HK1: variants seen among roughly 807,000 people sequenced by gnomAD.
The protein encoded by HK1 is hexokinase-1.
In HK1, 28 loss-of-function variants were observed where a neutral mutation model predicts 91.6. The observed-to-expected ratio is 0.31, with a 90% CI of 0.23 to 0.42. The LOEUF is 0.42. Among genes scored for constraint, HK1 ranks in the 10% least tolerant of loss-of-function variants. The pLI is 1.00. For missense variants in HK1, 770 were observed against 1,219.8 expected, an observed-to-expected ratio of 0.63 and a Z score of 5.49; for synonymous variants, 430 against 468.1, an observed-to-expected ratio of 0.92 and a Z score of 1.05.
At chr10:69,318,759 C>T (rs942422527), upstream of HK1, 1 of 1,167,590 alleles carries the variant, frequency 8.6e-7, no homozygotes, top group South Asian at 1.9e-5. Context: ...GCGGCTGTCA[C>T]CCTCCAGGGG....
intron 1 of HK1, among the ~76,000 whole-genome samples, chr10:69,341,670 A>C (rs915486676): frequency 1.3e-5 from 2 of 151,672 alleles, no homozygotes; most frequent in African/African-American, 4.8e-5. Context: ...TGCCCAGGCT[A>C]ATCTCGAACT....
intron 14 of HK1, among the ~76,000 whole-genome samples, chr10:69,389,908 T>C (rs1191278759): frequency 6.6e-6 from 1 of 152,216 alleles, no homozygotes; most frequent in East Asian, 1.9e-4. Flanking sequence ...ACATAATTCC[T>C]GAAGCATATT....
intron 1 of HK1, among the ~76,000 whole-genome samples, chr10:69,336,165 A>G (rs919098620): frequency 2.0e-5 from 3 of 152,342 alleles, no homozygotes; most frequent in Admixed American, 2.0e-4. Flanking sequence ...ATATTTTACA[A>G]TAAGTATATA....
At chr10:69,346,308 G>C (rs1328555144) in intron 2 of HK1, among the ~76,000 whole-genome samples, 2 of 152,350 alleles carry the variant, frequency 1.3e-5, no homozygotes, top group Non-Finnish European at 1.5e-5. Context: ...CCATGGTGGA[G>C]CAATGCCTAA....
At chr10:69,387,060 A>G (rs1839670767) in intron 13 of HK1, among the ~76,000 whole-genome samples, 1 of 152,124 alleles carries the variant, frequency 6.6e-6, no homozygotes, top group African/African-American at 2.4e-5. Flanking sequence ...AACACAAACA[A>G]TTTCACAGAG....
intron 1 of HK1, among the ~76,000 whole-genome samples, chr10:69,271,518 C>T (rs572600304): frequency 1.4e-4 from 21 of 149,704 alleles, no homozygotes; most frequent in African/African-American, 5.2e-4. Context: ...GCTCTGTTGC[C>T]CAGGCTGAAG....
Position 69,394,974 on chromosome 10 carries a change from G to A in HK1, c.2244G>A (p.Met748Ile). ...GGTATGAGAAGATGATCAGTGGTAT[G>A]TACCTGGGTGAAATCGTCCGCAACA... ...KQRYEKMISG[M>I]YLGEIVRNIL... Residue 748 changes from methionine to isoleucine, a missense_variant, in exon 16 of 18, where the codon ATG becomes ATA. Around this residue, in one of 7 missense-constraint regions of HK1, gnomAD observed 152 missense variants for 211.1 expected, o/e 0.72. Transcript: ENST00000359426. 1 of 1,614,182 alleles carries A rather than the reference G, an allele frequency of 6.2e-7. No individual in the cohort carries two copies.
At position 69,369,651 on chromosome 10, in the gene HK1, C is replaced by T; in HGVS notation, c.875+27C>T. ...TGAGTCCTTGACTTTTGCTTCTAAC[C>T]ACATATGTGAGTTAGGGGACATTTG... On this transcript the variant is annotated intron_variant, in intron 7 of 17. Coordinates refer to ENST00000359426, the MANE Select transcript of HK1 (RefSeq NM_000188.3). This position sits in a 1 kb window ranked among gnomAD's most constrained non-coding sequence, Gnocchi z 4.4. 2.5e-6 allele frequency: 4 copies of T among 1,600,392 alleles called. No homozygotes were observed. The highest frequency in any genetic ancestry group is 3.4e-6 in the Non-Finnish European group (4 of 1,170,006).
At position 69,398,908 on chromosome 10, in the gene HK1, C is replaced by T. The variant is rs907119801; in HGVS notation, c.2609+80C>T. 5.3e-6 allele frequency: 6 copies of T among 1,125,042 alleles called. No homozygotes were observed. The African/African-American group carries it at 9.2e-5, about 17-fold the overall frequency. The allele number at this position is 1,125,042 out of a possible 1,614,324, so 69.7% of individuals were successfully genotyped here. On this transcript the variant is annotated intron_variant, in intron 17 of 17. Transcript: ENST00000359426. ...AGGGGGTATCAGGGTGTGGTTTACG[C>T]TGGGGAAATGCCCTGCGGGAGCCCA...
intron 1 of HK1, among the ~76,000 whole-genome samples, chr10:69,326,839 T>G (rs1173007252): frequency 1.3e-5 from 2 of 152,172 alleles, no homozygotes; most frequent in Admixed American, 1.3e-4. Context: ...AATTTGGTGT[T>G]TATCTTTTCA....
chr10:69,291,502 T>C (rs773796461), intron 3 of HK1, among the ~76,000 whole-genome samples: 2 of 152,174 alleles, frequency 1.3e-5, no homozygotes, highest in Non-Finnish European at 2.9e-5. Flanking sequence ...GAAGAAGGTG[T>C]CATTCCCACT....
At chr10:69,377,115 C>G in intron 8 of HK1, 26 bp downstream of exon 8, 3 of 1,613,886 alleles carry the variant, frequency 1.9e-6, no homozygotes, top group Non-Finnish European at 2.5e-6. Flanking sequence ...TCAAGGCTTT[C>G]TTGGGGTGTT....
chr10:69,383,836 C>T (rs1839508271), intron 10 of HK1, among the ~76,000 whole-genome samples: 2 of 152,234 alleles, frequency 1.3e-5, no homozygotes, highest in Admixed American at 6.5e-5. Context: ...CCTGGAAGCC[C>T]AGGCTGGGGA....
At chr10:69,320,979 CGA>C (rs1846988378) in intron 1 of HK1, among the ~76,000 whole-genome samples, 1 of 152,126 alleles carries the variant, frequency 6.6e-6, no homozygotes, top group African/African-American at 2.4e-5. Context: ...CTCCTCACTC[CGA>C]GTTTGGGATT....
intron 5 of HK1, among the ~76,000 whole-genome samples, chr10:69,309,780 C>T (rs1846277597): frequency 6.6e-6 from 1 of 150,726 alleles, no homozygotes; most frequent in Admixed American, 6.6e-5. Context: ...GGCGAGGTGG[C>T]TCACTCCTGT....
At chr10:69,386,981 G>T (rs1038827831) in intron 13 of HK1, among the ~76,000 whole-genome samples, 1 of 151,958 alleles carries the variant, frequency 6.6e-6, no homozygotes, top group African/African-American at 2.4e-5. Flanking sequence ...AATTGAAAAA[G>T]AGAGAAGCAG....
chr10:69,307,056 G>A (rs1464354504), intron 5 of HK1, among the ~76,000 whole-genome samples: 1 of 152,320 alleles, frequency 6.6e-6, no homozygotes, highest in African/African-American at 2.4e-5. Context: ...ACATGACTGT[G>A]TTGGAAGATA....
chr10:69,346,714 T>TA (rs1017560452), intron 2 of HK1, among the ~76,000 whole-genome samples: 8 of 151,948 alleles, frequency 5.3e-5, no homozygotes, highest in African/African-American at 1.9e-4. Context: ...TGTATATCAT[T>TA]AAAAAAACCC....
chr10:69,322,106 A>G (rs1388895447), intron 1 of HK1, among the ~76,000 whole-genome samples: 1 of 152,172 alleles, frequency 6.6e-6, no homozygotes, highest in African/African-American at 2.4e-5. Flanking sequence ...AGGATTGCAT[A>G]GTGCTCTGTT....
Sources: gnomAD v4.1 joint callset for allele counts (sites outside exome capture counted in the v4.1 genomes callset) on GRCh38, gnomAD v4.1.1 for gene constraint, gnomAD v4.1.1 regional missense constraint, Gnocchi (gnomAD v3.1) non-coding constraint, MANE v1.5 for transcripts, NCBI Gene and HGNC (gene_info 2026-07-23, HGNC 2026-07-21) for gene names.